Variants in RP1L1 observed in about 807,000 individuals in gnomAD.
RP1L1 encodes retinitis pigmentosa 1-like 1 protein.
Under a neutral mutation model 15.7 loss-of-function variants are expected in RP1L1, and 27 were observed. The observed-to-expected ratio is 1.72, with a 90% confidence interval of 1.27 to 2.38. The LOEUF is 2.38. Ranked by LOEUF, RP1L1 falls within the 30% of genes most tolerant of loss-of-function variation. The pLI is 0.00. For missense variants in RP1L1, 4,798 were observed against 3,075.9 expected (o/e 1.56, Z -13.24); for synonymous variants, 1,813 against 1,276.7 (o/e 1.42, Z -8.96).
At chr8:10,636,189 G>T (rs1338567869) in intron 1 of RP1L1, among the ~76,000 whole-genome samples, 3 of 152,228 alleles carry the variant, frequency 2.0e-5, no homozygotes, top group Non-Finnish European at 4.4e-5. Flanking sequence ...CCATCGCTCA[G>T]ACTTTCTGGG....
Position 10,608,608 on chromosome 8 carries a change from A to C in RP1L1, c.5490T>G (p.Asp1830Glu). ...CCGGGGCCTCTATGCCTTCGGCCCC[A>C]TCACTCTGTCCTGGATCTTGGTCAC... is the stretch of plus-strand genomic sequence containing the variant. ...AGGDQDPGQS[D>E]GAEGIEAPEA... The change falls in exon 4 of 4, where the codon GAT (aspartate) becomes GAG (glutamate). Residue 1830 changes from aspartate (D) to glutamate (E), a missense_variant. Physicochemically the swap from Asp to Glu is conservative, Grantham distance 45 (BLOSUM62 2). Transcript: ENST00000382483. The C allele has an allele frequency of 1.2e-6, 2 of 1,614,006 alleles. No homozygotes were observed. Among genetic ancestry groups the C allele is most frequent in the Non-Finnish European group, 1.7e-6 (2 of 1,180,000 alleles).
At chr8:10,634,311 G>C (rs1798297924) in intron 1 of RP1L1, among the ~76,000 whole-genome samples, 1 of 152,172 alleles carries the variant, frequency 6.6e-6, no homozygotes, top group Admixed American at 6.5e-5. Context: ...AGAAGGAGCA[G>C]CACCGATGCT....
At chr8:10,619,974 A>T (rs887857625) in intron 2 of RP1L1, among the ~76,000 whole-genome samples, 5 of 151,788 alleles carry the variant, frequency 3.3e-5, no homozygotes, top group African/African-American at 1.2e-4. Context: ...AAAAAAAAAA[A>T]AAAAAAAGAT....
At chr8:10,616,310 A>T in intron 3 of RP1L1, 136 bp downstream of exon 3, 1 of 1,134,572 alleles carries the variant, frequency 8.8e-7, no homozygotes, top group South Asian at 1.3e-5. Flanking sequence ...GGCAAGAGAG[A>T]TCCCAAAATG....
rs1262524737 is a variant in RP1L1, at chr8:10,612,311, T to C, written c.1787A>G (p.Gln596Arg). Residue 596 changes from glutamine (Q) to arginine (R), a missense_variant, in exon 4 of 4, where the codon CAG becomes CGG. Gln to Arg is a conservative substitution (Grantham distance 43). Coordinates refer to ENST00000382483, the MANE Select transcript of RP1L1 (RefSeq NM_178857.6). ...SDDLQAETQG[Q>R]GTEQATGAAV... is the part of the protein sequence containing the mutation. ...CGCTCCCGTGGCCTGCTCGGTGCCC[T>C]GTCCTTGCGTCTCTGCCTGCAGGTC... 2.5e-6 allele frequency: 4 copies of C among 1,613,222 alleles called. No homozygotes were observed. Among genetic ancestry groups the C allele is most frequent in the Admixed American group, 1.7e-5 (1 of 60,032 alleles).
chr8:10,626,933 G>A (rs566663621), intron 1 of RP1L1, among the ~76,000 whole-genome samples: 14 of 152,248 alleles, frequency 9.2e-5, no homozygotes, highest in Non-Finnish European at 1.9e-4. Context: ...AAAAAAAGGA[G>A]AGACCACAGT....
At chr8:10,624,596 G>C (rs993493908) in intron 1 of RP1L1, among the ~76,000 whole-genome samples, 16 of 152,194 alleles carry the variant, frequency 1.1e-4, no homozygotes, top group African/African-American at 3.6e-4. Flanking sequence ...TGACCAGCTG[G>C]GTGGTGTTGG....
chr8:10,653,646 CACACACGCAT>C (rs1449252134), intron 1 of RP1L1, among the ~76,000 whole-genome samples: 5 of 126,112 alleles, frequency 4.0e-5, no homozygotes, highest in Non-Finnish European at 5.6e-5. Context: ...TGTGCACACC[CACACACGCAT>C]ACACACACAC....
chr8:10,648,983 G>A (rs1198819194), intron 1 of RP1L1, among the ~76,000 whole-genome samples: 1 of 152,214 alleles, frequency 6.6e-6, no homozygotes, highest in Non-Finnish European at 1.5e-5. Flanking sequence ...AGGGGCCAGG[G>A]CAGTGAGGGT....
In RP1L1 at chr8:10,612,167, C is replaced by T. The variant is rs374296911; in HGVS notation, c.1931G>A (p.Arg644Gln). The change falls in exon 4 of 4, where the codon CGG (arginine) becomes CAG (glutamine). Residue 644 changes from arginine to glutamine, a missense_variant. Coordinates refer to ENST00000382483, the MANE Select transcript of RP1L1 (RefSeq NM_178857.6). ...GCTGGGTGAGGACATTGCACTGGCCCGGCTTCTGTGCCTTCTCTGCCCCTG... is the reference window on the plus strand; with the variant it reads ...GCTGGGTGAGGACATTGCACTGGCCTGGCTTCTGTGCCTTCTCTGCCCCTG... ...SQQGQRRHRSRASAMSSPSSP... is the reference protein window; with the variant it reads ...SQQGQRRHRSQASAMSSPSSP... 32 of 1,613,446 alleles carry T rather than the reference C, an allele frequency of 2.0e-5. No individual in the cohort carries two copies. The highest frequency in any genetic ancestry group is 1.7e-4 in the Middle Eastern group (1 of 6,056).
At chr8:10,639,212 C>A (rs1008231881) in intron 1 of RP1L1, among the ~76,000 whole-genome samples, 1 of 151,874 alleles carries the variant, frequency 6.6e-6, no homozygotes, top group African/African-American at 2.4e-5. Flanking sequence ...TGCTTGCCCT[C>A]AATTCTGCTC....
chr8:10,608,586 G>C lies in RP1L1; in HGVS notation c.5512C>G (p.Pro1838Ala). ...GGCTGGGCCTCCCCTTCAGCCTCCG[G>C]GGCCTCTATGCCTTCGGCCCCATCA... The part of the protein sequence containing the change: ...QSDGAEGIEA[P>A]EAEGEAQPES... The change falls in exon 4 of 4, where the codon CCG becomes GCG. Residue 1838 changes from proline (P) to alanine (A), a missense_variant. Transcript: ENST00000382483. 1 of 1,614,174 alleles carries C rather than the reference G, an allele frequency of 6.2e-7. No homozygotes were observed.
Position 10,636,109 on chromosome 8 carries a change from C to T in RP1L1, c.-19-12889G>A, listed in dbSNP as rs570048309. Among the ~76,000 whole-genome samples the T allele has an allele frequency of 2.3e-3, 348 of 152,352 alleles. 2 individuals carry two copies. Among genetic ancestry groups the T allele is most frequent in the Non-Finnish European group, 3.5e-3 (237 of 68,032 alleles). ...GGATGAGTTGCTTCACCTCTCTGGA[C>T]TTCAGTTCCCTCATCTGTCAAATGA... On this transcript the variant is annotated intron_variant, in intron 1 of 3. Transcript: ENST00000382483.
intron 1 of RP1L1, among the ~76,000 whole-genome samples, chr8:10,624,960 G>A (rs1342549768): frequency 2.0e-5 from 3 of 152,222 alleles, no homozygotes; most frequent in Admixed American, 6.5e-5. Flanking sequence ...GAATTAGGAA[G>A]AAGCCTGGGT....
chr8:10,649,075 A>G (rs1223734385), intron 1 of RP1L1, among the ~76,000 whole-genome samples: 1 of 152,224 alleles, frequency 6.6e-6, no homozygotes, highest in African/African-American at 2.4e-5. Flanking sequence ...TCTCTGTGGA[A>G]TAAAAGCCTT....
chr8:10,636,133 G>C (rs977511791), intron 1 of RP1L1, among the ~76,000 whole-genome samples: 1 of 152,218 alleles, frequency 6.6e-6, no homozygotes, highest in African/African-American at 2.4e-5. Context: ...TCTGTCAAAT[G>C]ACTTATTTGC....
intron 1 of RP1L1, among the ~76,000 whole-genome samples, chr8:10,647,137 G>T (rs1445978206): frequency 6.6e-6 from 1 of 152,198 alleles, no homozygotes. Flanking sequence ...CGTTTCCACT[G>T]AGGCGCCACG....
In RP1L1 at chr8:10,622,966, C is replaced by T. The variant is rs373251905; in HGVS notation, c.236G>A (p.Arg79His). 8.6e-5 allele frequency: 139 copies of T among 1,614,030 alleles called. No homozygotes were observed. The highest frequency in any genetic ancestry group is 8.3e-4 in the Middle Eastern group (5 of 6,048). ...CAGGCCCCGGGGTGTGGTGACAGAG[C>T]GCACCCCAAAGGAGAGAGGCACGCG... ...SQRVPLSFGV[R>H]SVTTPRGLHS... The change falls in exon 2 of 4, where the codon CGC becomes CAC. Residue 79 changes from arginine (R) to histidine (H), a missense_variant. Physicochemically the swap from Arg to His is conservative, Grantham distance 29. Coordinates refer to ENST00000382483, the MANE Select transcript of RP1L1 (RefSeq NM_178857.6).
rs571920579 is a variant in RP1L1 at position 10,617,069 on chromosome 8, G to A, written c.610-482C>T. On this transcript the variant is annotated intron_variant, in intron 2 of 3. Coordinates refer to ENST00000382483, the MANE Select transcript of RP1L1 (RefSeq NM_178857.6). ...GTCTGAGTCTGTTGCCTCTGCCCAA[G>A]TGGAGGGGAGAGGGGCTAGGCACCA... Among the ~76,000 whole-genome samples the A allele has an allele frequency of 2.6e-5, 4 of 152,220 alleles. No homozygotes were observed. The South Asian group carries it at 6.2e-4, about 24-fold the overall frequency.
Sources: gnomAD v4.1 joint callset for allele counts (sites outside exome capture counted in the v4.1 genomes callset) on GRCh38, gnomAD v4.1.1 for gene constraint, MANE v1.5 for transcripts, NCBI Gene and HGNC (gene_info 2026-07-23, HGNC 2026-07-21) for gene names.